LRP1B: variants seen among roughly 807,000 people sequenced by gnomAD.
LRP1B encodes LDL receptor related protein 1B, also known as low-density lipoprotein receptor-related protein 1B.
LRP1B carries 217 observed loss-of-function variants against 556.6 expected under a neutral mutation model. That is an observed-to-expected ratio of 0.39 (90% CI 0.35 to 0.44). The LOEUF is 0.44. Ranked by LOEUF, LRP1B falls within the 20% of genes least tolerant of loss-of-function variation. The probability of loss-of-function intolerance (pLI) is 1.00; values close to 1 mark genes in which losing one functional copy is unlikely to be tolerated. For missense variants in LRP1B, 5,053 were observed against 5,620.8 expected (o/e 0.90, Z 3.23); for synonymous variants, 2,047 against 1,865.8 (o/e 1.10, Z -2.50).
intron 2 of LRP1B, among the ~76,000 whole-genome samples, chr2:141,749,517 C>T (rs760075827): frequency 5.9e-5 from 9 of 152,214 alleles, no homozygotes; most frequent in Admixed American, 1.3e-4. Flanking sequence ...GATAGGAATA[C>T]TTTCATCAAA....
chr2:141,218,886 G>A (rs1470782739), intron 6 of LRP1B, among the ~76,000 whole-genome samples: 1 of 152,156 alleles, frequency 6.6e-6, no homozygotes, highest in African/African-American at 2.4e-5. Flanking sequence ...ATCAACTGAG[G>A]TATCCAGGTT....
intron 2 of LRP1B, among the ~76,000 whole-genome samples, chr2:141,577,415 A>T (rs1686791846): frequency 6.6e-6 from 1 of 152,234 alleles, no homozygotes. Flanking sequence ...GAATACGGTC[A>T]GTTTTAAATA....
At chr2:140,448,564 T>C (rs531444864) in intron 63 of LRP1B, among the ~76,000 whole-genome samples, 36 of 152,100 alleles carry the variant, frequency 2.4e-4, no homozygotes, top group East Asian at 9.7e-4. Context: ...GTCAAACTCA[T>C]AGAGACAGAG....
chr2:141,413,739 C>G (rs1690948579), intron 3 of LRP1B, among the ~76,000 whole-genome samples: 1 of 151,534 alleles, frequency 6.6e-6, no homozygotes, highest in African/African-American at 2.4e-5. Context: ...AAAAAATTAG[C>G]TAGGCATGGT....
chr2:140,784,114 G>C (rs1689801248), intron 32 of LRP1B, among the ~76,000 whole-genome samples: 1 of 152,068 alleles, frequency 6.6e-6, no homozygotes, highest in Non-Finnish European at 1.5e-5. Context: ...ATGTCTGGGT[G>C]CCACCCCTAG....
intron 3 of LRP1B, among the ~76,000 whole-genome samples, chr2:141,466,389 T>C (rs1019895331): frequency 2.6e-5 from 4 of 152,164 alleles, no homozygotes; most frequent in African/African-American, 9.7e-5. Flanking sequence ...TATTAAAACA[T>C]GTATAGCATG....
rs1687226680 is a variant in LRP1B, at chr2:140,716,785, G to A, written c.5790C>T (p.Gly1930=). 1 of 1,606,144 alleles carries A rather than the reference G, an allele frequency of 6.2e-7. No homozygotes were observed. The highest frequency in any genetic ancestry group is 8.5e-7 in the Non-Finnish European group (1 of 1,174,020). The change falls in exon 36 of 91, where the codon GGC becomes GGT. Residue 1930 remains glycine, a synonymous_variant. Coordinates refer to ENST00000389484, the MANE Select transcript of LRP1B (RefSeq NM_018557.3). ...ENDTIYWTDM[G]FNKISRAKRD... ...TTTTAGCTCTGCTAATTTTATTGAA[G>A]CCCATGTCTGTCCAGTAGATGGTAT... is the stretch of plus-strand genomic sequence containing the variant.
chr2:141,832,648 T>G (rs1697150839), intron 1 of LRP1B, among the ~76,000 whole-genome samples: 1 of 151,766 alleles, frequency 6.6e-6, no homozygotes, highest in Non-Finnish European at 1.5e-5. Context: ...AAAAGAATCC[T>G]CAGTCTAATT....
intron 3 of LRP1B, among the ~76,000 whole-genome samples, chr2:141,457,589 TTAAAAA>T (rs1304914644): frequency 3.3e-5 from 5 of 152,070 alleles, no homozygotes; most frequent in Non-Finnish European, 7.4e-5. Context: ...ACCCTGGAAC[TTAAAAA>T]TAAAAATTAA....
In LRP1B at chr2:141,178,653, G is replaced by C. The variant is rs906356934; in HGVS notation, c.1013+9768C>G. Among the ~76,000 whole-genome samples, 3 of 152,128 alleles carry C rather than the reference G, an allele frequency of 2.0e-5. No homozygotes were observed. The South Asian group carries it at 6.2e-4, about 31-fold the overall frequency. ...GAACAACTGTTCCTTGGAAATGCAT[G>C]CTTCCACTTCCATAGTATGATGCTG... On this transcript the variant is annotated intron_variant, in intron 7 of 90. Transcript: ENST00000389484.
chr2:140,536,798 T>G (rs1431071315), intron 45 of LRP1B, 89 bp from the exon 46 acceptor site: 1 of 972,274 alleles, frequency 1.0e-6, no homozygotes, highest in African/African-American at 1.7e-5. Flanking sequence ...ATTTTAATTA[T>G]AAAGATAAAC....
At chr2:141,252,338 G>C (rs397078) in intron 4 of LRP1B, among the ~76,000 whole-genome samples, 17,144 of 152,110 alleles carry the variant, frequency 0.11, 1,083 homozygotes, top group South Asian at 0.17. Context: ...CCATGAGAAA[G>C]CAAAAATATT....
At chr2:140,825,692 T>C (rs1041737282) in intron 31 of LRP1B, among the ~76,000 whole-genome samples, 5 of 152,086 alleles carry the variant, frequency 3.3e-5, no homozygotes, top group African/African-American at 1.2e-4. Flanking sequence ...AAAAGAAGGA[T>C]CAATTGTGGA....
intron 1 of LRP1B, among the ~76,000 whole-genome samples, chr2:142,092,207 G>T (rs1014080550): frequency 1.3e-5 from 2 of 151,934 alleles, no homozygotes; most frequent in East Asian, 1.9e-4. Context: ...CTAATATTTG[G>T]GTTTCTTAGT....
chr2:141,289,750 C>T (rs1685870257), intron 3 of LRP1B, among the ~76,000 whole-genome samples: 2 of 152,078 alleles, frequency 1.3e-5, no homozygotes, highest in Admixed American at 1.3e-4. Flanking sequence ...GATAGGAAAA[C>T]ACGAAACAGT....
intron 32 of LRP1B, among the ~76,000 whole-genome samples, chr2:140,804,795 C>T (rs1690655429): frequency 6.6e-6 from 1 of 150,480 alleles, no homozygotes; most frequent in African/African-American, 2.4e-5. Context: ...AAAATATGAA[C>T]ACTGTATTCA....
intron 47 of LRP1B, among the ~76,000 whole-genome samples, chr2:140,531,016 C>T (rs1558947385): frequency 6.6e-6 from 1 of 152,070 alleles, no homozygotes; most frequent in African/African-American, 2.4e-5. Flanking sequence ...CTGCTTCAAC[C>T]AGCCACATAA....
chr2:140,280,486 C>T (rs1209643735), intron 84 of LRP1B, among the ~76,000 whole-genome samples: 1 of 151,536 alleles, frequency 6.6e-6, no homozygotes, highest in Non-Finnish European at 1.5e-5. Context: ...TGTAATTTGG[C>T]TATAAATATA....
chr2:142,044,041 C>T (rs1704158684), intron 1 of LRP1B, among the ~76,000 whole-genome samples: 1 of 151,672 alleles, frequency 6.6e-6, no homozygotes. Context: ...TAACATATAT[C>T]TTCAATAACA....
Sources: allele counts gnomAD v4.1 joint callset (sites outside exome capture counted in the v4.1 genomes callset), GRCh38; gene constraint gnomAD v4.1.1; transcripts MANE v1.5; gene names NCBI Gene and HGNC (gene_info 2026-07-23, HGNC 2026-07-21).